Variants in PPP1R12A observed in about 807,000 individuals in gnomAD.
The protein encoded by PPP1R12A is myosin binding subunit.
In PPP1R12A, 19 loss-of-function variants were observed where a neutral mutation model predicts 139.6. The observed-to-expected ratio is 0.14, with a 90% CI of 0.09 to 0.20. The LOEUF is 0.20. PPP1R12A is among the 10% of genes least tolerant of loss of function. The pLI is 1.00. For missense variants in PPP1R12A, 925 were observed against 1,211.5 expected (o/e 0.76, Z 3.51); for synonymous variants, 427 against 420.6 (o/e 1.02, Z -0.19).
intron 2 of PPP1R12A, among the ~76,000 whole-genome samples, chr12:79,857,132 C>G (rs12828928): frequency 2.0e-5 from 3 of 151,872 alleles, no homozygotes; most frequent in Admixed American, 6.5e-5. Flanking sequence ...CACATGCACA[C>G]GTATGTTTAT....
At chr12:79,788,043 A>C (rs565680189) in intron 21 of PPP1R12A, 3 of 152,478 alleles carry the variant, frequency 2.0e-5, no homozygotes, top group South Asian at 2.1e-4. Context: ...TAAATGATGA[A>C]TCTTACTCAT....
chr12:79,882,887 C>T (rs985744621), intron 1 of PPP1R12A, among the ~76,000 whole-genome samples: 6 of 152,124 alleles, frequency 3.9e-5, no homozygotes, highest in Non-Finnish European at 5.9e-5. Flanking sequence ...GCCTGTAATC[C>T]TAGCACTTTG....
chr12:79,779,436 T>C (rs1870141850), intron 23 of PPP1R12A: 1 of 995,926 alleles, frequency 1.0e-6, no homozygotes, highest in Non-Finnish European at 1.4e-6. Context: ...TAAATAATGC[T>C]GATATTTAGT....
intron 1 of PPP1R12A, among the ~76,000 whole-genome samples, chr12:79,892,431 A>C (rs1884741011): frequency 6.6e-6 from 1 of 152,206 alleles, no homozygotes; most frequent in Non-Finnish European, 1.5e-5. Context: ...CTAATAAATA[A>C]TAAAAATTAT....
intron 1 of PPP1R12A, among the ~76,000 whole-genome samples, chr12:79,882,963 C>A (rs1366993264): frequency 6.6e-6 from 1 of 152,024 alleles, no homozygotes; most frequent in African/African-American, 2.4e-5. Flanking sequence ...ATGGTGAAAC[C>A]CCATCTCTAC....
At chr12:79,797,525 A>G in intron 15 of PPP1R12A, 130 bp from the exon 16 acceptor site, 3 of 847,398 alleles carry the variant, frequency 3.5e-6, no homozygotes, top group Non-Finnish European at 5.3e-6. Flanking sequence ...TTGGTTTGCA[A>G]ATGGAAACAG....
At chr12:79,850,656 C>T (rs1281760290) in intron 2 of PPP1R12A, among the ~76,000 whole-genome samples, 1 of 152,094 alleles carries the variant, frequency 6.6e-6, no homozygotes, top group Admixed American at 6.5e-5. Context: ...ATGTCCCCAC[C>T]CAAATCTGAT....
intron 6 of PPP1R12A, among the ~76,000 whole-genome samples, 198 bp downstream of exon 6, chr12:79,821,918 G>A (rs964476441): frequency 2.0e-5 from 3 of 152,168 alleles, no homozygotes; most frequent in Admixed American, 6.5e-5. Flanking sequence ...TTGAGAAGGG[G>A]AGGAAATAGA....
At chr12:79,856,307 T>C (rs1238167334) in intron 2 of PPP1R12A, among the ~76,000 whole-genome samples, 1 of 152,258 alleles carries the variant, frequency 6.6e-6, no homozygotes, top group East Asian at 1.9e-4. Context: ...CAAGAAATTA[T>C]GGCTCCAATA....
At chr12:79,845,538 T>A (rs1879271393) in intron 2 of PPP1R12A, 118 bp from the exon 3 acceptor site, 1 of 695,476 alleles carries the variant, frequency 1.4e-6, no homozygotes, top group South Asian at 2.0e-5. Context: ...GTATATACAT[T>A]ATTTAAATTT....
At chr12:79,883,293 T>C (rs1413230615) in intron 1 of PPP1R12A, among the ~76,000 whole-genome samples, 1 of 152,198 alleles carries the variant, frequency 6.6e-6, no homozygotes, top group Non-Finnish European at 1.5e-5. Context: ...AAAGATATAA[T>C]GCTACATTAC....
intron 9 of PPP1R12A, among the ~76,000 whole-genome samples, chr12:79,811,342 T>C (rs1874504919): frequency 6.6e-6 from 1 of 152,186 alleles, no homozygotes; most frequent in Admixed American, 6.5e-5. Flanking sequence ...TCCTAAAATG[T>C]GCACCAAAGT....
chr12:79,869,469 G>A (rs1274739041), intron 2 of PPP1R12A, among the ~76,000 whole-genome samples: 1 of 152,190 alleles, frequency 6.6e-6, no homozygotes, highest in African/African-American at 2.4e-5. Context: ...AACAACTGAT[G>A]TGTTAGAGAT....
At chr12:79,799,012 G>C (rs1372648407) in intron 14 of PPP1R12A, among the ~76,000 whole-genome samples, 1 of 152,052 alleles carries the variant, frequency 6.6e-6, no homozygotes, top group Non-Finnish European at 1.5e-5. Context: ...CTCCAGCCCT[G>C]AAAACATCCC....
chr12:79,827,290 C>T (rs188052688), intron 5 of PPP1R12A, among the ~76,000 whole-genome samples: 303 of 152,194 alleles, frequency 2.0e-3, no homozygotes, highest in African/African-American at 7.0e-3. Context: ...CTATGATTTT[C>T]ATGCCTGCAC....
intron 1 of PPP1R12A, among the ~76,000 whole-genome samples, chr12:79,882,580 T>C (rs1409654681): frequency 6.6e-6 from 1 of 152,198 alleles, no homozygotes; most frequent in Non-Finnish European, 1.5e-5. Flanking sequence ...GCTGTGAACA[T>C]TGTTGAAATA....
intron 20 of PPP1R12A, 145 bp from the exon 21 acceptor site, chr12:79,788,928 A>G: frequency 2.9e-6 from 2 of 699,986 alleles, no homozygotes; most frequent in South Asian, 6.1e-5. Flanking sequence ...TGTGATATAT[A>G]ATAAGTGGGA....
intron 10 of PPP1R12A, among the ~76,000 whole-genome samples, chr12:79,809,494 C>G (rs1874266269): frequency 6.6e-6 from 1 of 151,922 alleles, no homozygotes; most frequent in African/African-American, 2.4e-5. Context: ...CAGAAAGTTT[C>G]TTGAATCATA....
At chr12:79,908,182 CACAGTAATTAAAGAGT>C (rs1886283259) in intron 1 of PPP1R12A, among the ~76,000 whole-genome samples, 1 of 152,122 alleles carries the variant, frequency 6.6e-6, no homozygotes, top group African/African-American at 2.4e-5. Context: ...CAGTGTCTTC[CACAGTAATTAAAGAGT>C]AGAATCCTTT....
Sources: allele counts gnomAD v4.1 joint callset (sites outside exome capture counted in the v4.1 genomes callset), GRCh38; gene constraint gnomAD v4.1.1; transcripts MANE v1.5; gene names NCBI Gene and HGNC (gene_info 2026-07-23, HGNC 2026-07-21).